TRDN: variants seen among roughly 807,000 people sequenced by gnomAD.
The protein encoded by TRDN is triadin in skeletal muscle.
A neutral mutation model predicts 149.7 loss-of-function variants in TRDN; 161 were observed. The ratio of observed to expected loss-of-function variants is 1.08; its 90% CI spans 0.95 to 1.23. The LOEUF is 1.23. TRDN is among the 50% of genes most tolerant of loss of function. TRDN has a pLI of 0.00. For missense variants in TRDN, 896 were observed against 823.5 expected (o/e 1.09, Z -1.08); for synonymous variants, 294 against 250.5 (o/e 1.17, Z -1.64).
chr6:123,314,265 A>G (rs61369840), intron 24 of TRDN, among the ~76,000 whole-genome samples: 89,991 of 151,858 alleles, frequency 0.59, 27,340 homozygotes, highest in African/African-American at 0.66. Flanking sequence ...AATATCACTG[A>G]TTATTAGAGA....
chr6:123,590,607 A>G (rs1475193459), intron 1 of TRDN, among the ~76,000 whole-genome samples: 1 of 152,098 alleles, frequency 6.6e-6, no homozygotes, highest in Non-Finnish European at 1.5e-5. Context: ...TACTAAAAAT[A>G]CAAAAATTAG....
At chr6:123,404,646 C>T (rs1196968997) in intron 12 of TRDN, among the ~76,000 whole-genome samples, 4 of 152,010 alleles carry the variant, frequency 2.6e-5, no homozygotes, top group African/African-American at 9.7e-5. Flanking sequence ...GTTTCTGCCA[C>T]GTTGGCCAGG....
chr6:123,352,383 C>T, intron 21 of TRDN, 156 bp downstream of exon 21: 1 of 1,375,000 alleles, frequency 7.3e-7, no homozygotes, highest in East Asian at 2.7e-5. Flanking sequence ...ATTGCTGTCT[C>T]ACATTCTCCC....
At chr6:123,451,629 G>A (rs892482741) in intron 10 of TRDN, among the ~76,000 whole-genome samples, 2 of 151,940 alleles carry the variant, frequency 1.3e-5, no homozygotes, top group African/African-American at 4.8e-5. Context: ...ACAAAAAAAA[G>A]TCCAGGACCA....
intron 12 of TRDN, among the ~76,000 whole-genome samples, chr6:123,394,196 G>A (rs549745037): frequency 3.3e-5 from 5 of 151,976 alleles, no homozygotes; most frequent in African/African-American, 7.2e-5. Context: ...AAATATATCC[G>A]AGAGAATGAG....
At chr6:123,473,772 A>C (rs1777316170) in intron 9 of TRDN, among the ~76,000 whole-genome samples, 1 of 152,192 alleles carries the variant, frequency 6.6e-6, no homozygotes, top group South Asian at 2.1e-4. Context: ...AAGCCAGAAG[A>C]GAGTAGGGGC....
chr6:123,557,917 T>C (rs2114482632), intron 2 of TRDN, among the ~76,000 whole-genome samples: 1 of 151,818 alleles, frequency 6.6e-6, no homozygotes, highest in Admixed American at 6.6e-5. Context: ...TAGCCTGTGT[T>C]CTCAAAGACC....
chr6:123,261,499 A>G (rs901660466), intron 33 of TRDN, among the ~76,000 whole-genome samples: 3 of 151,746 alleles, frequency 2.0e-5, no homozygotes, highest in Non-Finnish European at 2.9e-5. Context: ...TATAACCTGG[A>G]AAGTTTTTTT....
chr6:123,399,015 T>C (rs890706227), intron 12 of TRDN, among the ~76,000 whole-genome samples: 4 of 152,240 alleles, frequency 2.6e-5, no homozygotes, highest in African/African-American at 9.6e-5. Flanking sequence ...AGCTTTTACC[T>C]TAATAACTTA....
Position 123,503,806 on chromosome 6 carries a change from T to C in TRDN, c.706A>G (p.Lys236Glu), listed in dbSNP as rs752827453. The change falls in exon 8 of 41, where the codon AAA (lysine) becomes GAA (glutamate). Residue 236 changes from lysine to glutamate, a missense_variant. Physicochemically the swap from Lys to Glu is moderately conservative, Grantham distance 56. Coordinates refer to ENST00000334268, the MANE Select transcript of TRDN (RefSeq NM_006073.4). ...GGTGTTTTCTGTACTTCTTTTACTT[T>C]TGCAGCTGTTTGCTTCACTTTCTCC... ...KQEKVKQTAAKVKEVQKTPSK... is the reference protein window; with the variant it reads ...KQEKVKQTAAEVKEVQKTPSK... 1.2e-6 allele frequency: 2 copies of C among 1,611,802 alleles called. No individual in the cohort carries two copies. Among genetic ancestry groups the C allele is most frequent in the East Asian group, 2.2e-5 (1 of 44,750 alleles).
intron 10 of TRDN, among the ~76,000 whole-genome samples, chr6:123,443,246 A>T (rs951310482): frequency 6.7e-6 from 1 of 149,120 alleles, no homozygotes; most frequent in East Asian, 1.9e-4. Context: ...TATTATATAT[A>T]TTTTTTTGGA....
At chr6:123,222,772 C>A (rs937388738) in intron 39 of TRDN, among the ~76,000 whole-genome samples, 2 of 151,644 alleles carry the variant, frequency 1.3e-5, no homozygotes, top group Non-Finnish European at 2.9e-5. Context: ...TATCCAGGAT[C>A]TATAAAGCAC....
At chr6:123,582,204 C>G (rs1263016008) in intron 1 of TRDN, among the ~76,000 whole-genome samples, 2 of 152,070 alleles carry the variant, frequency 1.3e-5, no homozygotes, top group African/African-American at 4.8e-5. Context: ...AACTGAGGGG[C>G]AGATCATAGG....
At chr6:123,474,341 A>T (rs992585990) in intron 9 of TRDN, among the ~76,000 whole-genome samples, 1 of 152,198 alleles carries the variant, frequency 6.6e-6, no homozygotes, top group Non-Finnish European at 1.5e-5. Context: ...CAAAAGAGAC[A>T]AAGAAGGCCA....
chr6:123,258,285 T>C (rs1039559892), intron 35 of TRDN, among the ~76,000 whole-genome samples: 1 of 152,172 alleles, frequency 6.6e-6, no homozygotes, highest in Non-Finnish European at 1.5e-5. Context: ...CATAAAAAGC[T>C]CTTCTTATTT....
chr6:123,617,488 A>G (rs1785154237), intron 1 of TRDN, among the ~76,000 whole-genome samples: 1 of 152,122 alleles, frequency 6.6e-6, no homozygotes, highest in Non-Finnish European at 1.5e-5. Flanking sequence ...TGGAAAAAAA[A>G]ATAAAGTGCC....
At chr6:123,475,097 C>CA (rs771729022) in intron 9 of TRDN, among the ~76,000 whole-genome samples, 18,952 of 150,720 alleles carry the variant, frequency 0.13, 1,658 homozygotes, top group South Asian at 0.29. Context: ...AAAAACCCTT[C>CA]AAAAAATTAA....
At chr6:123,449,518 A>G (rs1306574327) in intron 10 of TRDN, among the ~76,000 whole-genome samples, 1 of 152,192 alleles carries the variant, frequency 6.6e-6, no homozygotes, top group Non-Finnish European at 1.5e-5. Flanking sequence ...AATAAAGACA[A>G]AGAACAGTGA....
intron 10 of TRDN, among the ~76,000 whole-genome samples, chr6:123,460,389 T>C (rs1413974975): frequency 6.6e-6 from 1 of 152,184 alleles, no homozygotes; most frequent in East Asian, 1.9e-4. Flanking sequence ...GTTGAGTATC[T>C]AACTGTGCTA....
Sources: allele counts gnomAD v4.1 joint callset (sites outside exome capture counted in the v4.1 genomes callset), GRCh38; gene constraint gnomAD v4.1.1; transcripts MANE v1.5; gene names NCBI Gene and HGNC (gene_info 2026-07-23, HGNC 2026-07-21).